GULP1: variants seen among roughly 807,000 people sequenced by gnomAD.
The protein encoded by GULP1 is GULP PTB domain containing engulfment adaptor 1.
A neutral mutation model predicts 40.9 loss-of-function variants in GULP1; 19 were observed. The ratio of observed to expected loss-of-function variants is 0.46; its 90% CI spans 0.32 to 0.68. The LOEUF (loss-of-function observed/expected upper bound fraction) is 0.68, where lower values mean the gene tolerates loss of function less well. Among genes scored for constraint, GULP1 ranks in the 30% least tolerant of loss-of-function variants. The probability of loss-of-function intolerance (pLI) is 0.03; values close to 1 mark genes in which losing one functional copy is unlikely to be tolerated. For missense variants in GULP1, 312 were observed against 362.2 expected (o/e 0.86, Z 1.12); for synonymous variants, 119 against 117.6 (o/e 1.01, Z -0.08).
chr2:188,523,470 ATT>A (rs1685357568), intron 5 of GULP1, among the ~76,000 whole-genome samples: 1 of 152,224 alleles, frequency 6.6e-6, no homozygotes, highest in Non-Finnish European at 1.5e-5. Flanking sequence ...CTCGAAGGAC[ATT>A]GTTGTCACTG....
intron 4 of GULP1, among the ~76,000 whole-genome samples, chr2:188,503,888 A>G (rs372801105): frequency 2.9e-4 from 44 of 152,068 alleles, no homozygotes; most frequent in East Asian, 2.1e-3. Flanking sequence ...TTAGTAACAC[A>G]TATACATTAA....
chr2:188,344,143 ACGTGG>A (rs767636300), intron 1 of GULP1, among the ~76,000 whole-genome samples: 11 of 152,206 alleles, frequency 7.2e-5, no homozygotes, highest in Non-Finnish European at 1.5e-4. Context: ...CACATATATA[ACGTGG>A]CAGTAGGGAG....
intron 2 of GULP1, among the ~76,000 whole-genome samples, chr2:188,423,427 T>C (rs1207285988): frequency 6.6e-6 from 1 of 151,970 alleles, no homozygotes; most frequent in East Asian, 1.9e-4. Context: ...TAATATTCTT[T>C]TTGCTACACA....
At chr2:188,459,555 A>G (rs35103373) in intron 2 of GULP1, among the ~76,000 whole-genome samples, 19,410 of 152,108 alleles carry the variant, frequency 0.13, 1,626 homozygotes, top group Non-Finnish European at 0.19. Flanking sequence ...ACCTCCTTAT[A>G]TATTCTGGTT....
At position 188,338,784 on chromosome 2, in the gene GULP1, C is replaced by T. The variant is rs376815096; in HGVS notation, c.-171-44979C>T. Among the ~76,000 whole-genome samples, 83 of 152,224 alleles carry T rather than the reference C, an allele frequency of 5.5e-4. 1 individual carries two copies. The highest frequency in any genetic ancestry group is 1.9e-3 in the African/African-American group (78 of 41,512). ...ATAATTTTCACCACTCCCATCTGTC[C>T]AGTACTAGTGCCAGGCTAATCTCAG... On this transcript the variant is annotated intron_variant, in intron 1 of 11. Transcript: ENST00000409830.
intron 1 of GULP1, among the ~76,000 whole-genome samples, chr2:188,296,385 T>G (rs1024855489): frequency 6.6e-6 from 1 of 152,094 alleles, no homozygotes; most frequent in African/African-American, 2.4e-5. Flanking sequence ...TTTGCGAGTT[T>G]TTTGTTTGTT....
chr2:188,534,666 TAAAAC>T (rs958338773), intron 6 of GULP1, among the ~76,000 whole-genome samples: 3 of 151,604 alleles, frequency 2.0e-5, no homozygotes, highest in African/African-American at 7.3e-5. Context: ...TGTTTGGTGA[TAAAAC>T]AAAACAAAAC....
Position 188,594,770 on chromosome 2 carries a change from A to T in GULP1, c.*759A>T, listed in dbSNP as rs1328781665. ...GATAAGTGATATTACTATAACATCTAAGCATCATCTGATTTGATATTCCCT... is the reference window on the plus strand; with the variant it reads ...GATAAGTGATATTACTATAACATCTTAGCATCATCTGATTTGATATTCCCT... On this transcript the variant is annotated 3_prime_UTR_variant, in exon 12 of 12. Transcript: ENST00000409830. The T allele has an allele frequency of 1.3e-5, 2 of 151,766 alleles. No individual in the cohort carries two copies. The highest frequency in any genetic ancestry group is 2.4e-5 in the African/African-American group (1 of 41,430). The allele number at this position is 151,766 out of a possible 1,614,324, so 9.4% of individuals were successfully genotyped here.
At chr2:188,313,529 G>T (rs1574330574) in intron 1 of GULP1, among the ~76,000 whole-genome samples, 1 of 152,268 alleles carries the variant, frequency 6.6e-6, no homozygotes, top group East Asian at 1.9e-4. Flanking sequence ...TTGTAGGATA[G>T]TTTGAAGTCA....
chr2:188,578,992 T>C (rs1700731163), intron 9 of GULP1, among the ~76,000 whole-genome samples: 1 of 152,202 alleles, frequency 6.6e-6, no homozygotes, highest in South Asian at 2.1e-4. Flanking sequence ...ATTTAGGTGC[T>C]ACATCCGCAC....
chr2:188,564,569 G>T (rs552215568), intron 7 of GULP1, among the ~76,000 whole-genome samples: 1 of 151,888 alleles, frequency 6.6e-6, no homozygotes, highest in South Asian at 2.1e-4. Flanking sequence ...AAGTAAAAAA[G>T]ACCTAAAATA....
chr2:188,419,407 G>A (rs559394317), intron 2 of GULP1, among the ~76,000 whole-genome samples: 1 of 152,180 alleles, frequency 6.6e-6, no homozygotes, highest in East Asian at 1.9e-4. Flanking sequence ...TAACAGGTGT[G>A]AGGTGATATC....
intron 2 of GULP1, among the ~76,000 whole-genome samples, chr2:188,438,574 T>TCC (rs567151151): frequency 4.0e-4 from 61 of 151,744 alleles, no homozygotes; most frequent in Middle Eastern, 3.5e-3. Flanking sequence ...ATTTCTTACT[T>TCC]CCTATTACAT....
chr2:188,474,739 G>C (rs1268162047), intron 2 of GULP1, among the ~76,000 whole-genome samples: 3 of 152,082 alleles, frequency 2.0e-5, no homozygotes, highest in African/African-American at 4.8e-5. Context: ...TGTTTGGATA[G>C]TTGTTAAATT....
At chr2:188,426,733 A>T (rs927031529) in intron 2 of GULP1, among the ~76,000 whole-genome samples, 2 of 152,216 alleles carry the variant, frequency 1.3e-5, no homozygotes, top group Admixed American at 1.3e-4. Context: ...GCAATGTGAG[A>T]ACAGACTAAT....
chr2:188,504,070 T>TA (rs2063689431), intron 4 of GULP1, among the ~76,000 whole-genome samples: 1 of 151,852 alleles, frequency 6.6e-6, no homozygotes, highest in Non-Finnish European at 1.5e-5. Context: ...CTACAGAGTA[T>TA]CTCAAAAGTA....
intron 1 of GULP1, among the ~76,000 whole-genome samples, chr2:188,371,848 C>T (rs2047642876): frequency 6.6e-6 from 1 of 152,012 alleles, no homozygotes; most frequent in South Asian, 2.1e-4. Flanking sequence ...CAACATTGAG[C>T]AGGTGTTTGG....
chr2:188,408,511 A>T (rs1485228580), intron 2 of GULP1, among the ~76,000 whole-genome samples: 3 of 152,216 alleles, frequency 2.0e-5, no homozygotes. Context: ...GAGCACTTAA[A>T]TATATGAAGC....
chr2:188,512,501 A>G (rs1396631639), intron 4 of GULP1, among the ~76,000 whole-genome samples: 1 of 152,064 alleles, frequency 6.6e-6, no homozygotes, highest in African/African-American at 2.4e-5. Context: ...AATACTGTCA[A>G]ATTTCATAGC....
Sources: gnomAD v4.1 joint callset for allele counts (sites outside exome capture counted in the v4.1 genomes callset) on GRCh38, gnomAD v4.1.1 for gene constraint, MANE v1.5 for transcripts, NCBI Gene and HGNC (gene_info 2026-07-23, HGNC 2026-07-21) for gene names.